Variants in PDE11A observed in about 807,000 individuals in gnomAD.
PDE11A encodes the protein dual 3',5'-cyclic-AMP and -GMP phosphodiesterase 11A.
A neutral mutation model predicts 100.5 loss-of-function variants in PDE11A; 100 were observed. The observed-to-expected ratio is 1.00, with a 90% CI of 0.85 to 1.18. PDE11A has a LOEUF of 1.18. PDE11A is among the 50% of genes most tolerant of loss of function. The pLI, the probability that PDE11A is intolerant of heterozygous loss-of-function variation, is 0.00. For missense variants in PDE11A, 1,141 were observed against 1,152.6 expected (o/e 0.99, Z 0.15); for synonymous variants, 381 against 420.8 (o/e 0.91, Z 1.16).
At chr2:177,647,245 T>C (rs1389407963) in intron 19 of PDE11A, among the ~76,000 whole-genome samples, 1 of 152,248 alleles carries the variant, frequency 6.6e-6, no homozygotes, top group Non-Finnish European at 1.5e-5. Context: ...CTTAAAACTT[T>C]TAGTTTGTTG....
intron 5 of PDE11A, among the ~76,000 whole-genome samples, chr2:177,847,010 G>A (rs1437382314): frequency 6.6e-6 from 1 of 152,090 alleles, no homozygotes; most frequent in African/African-American, 2.4e-5. Flanking sequence ...AAAATATTTA[G>A]CAATAGTTAA....
intron 2 of PDE11A, chr2:177,998,743 T>C: frequency 1.1e-6 from 1 of 875,932 alleles, no homozygotes. Context: ...ATGCCATAGT[T>C]GCCGTAAAGC....
chr2:177,895,783 G>A (rs2084603423), intron 4 of PDE11A, among the ~76,000 whole-genome samples: 1 of 152,126 alleles, frequency 6.6e-6, no homozygotes, highest in Non-Finnish European at 1.5e-5. Flanking sequence ...GTTGGTCACA[G>A]TGTACAAGTT....
rs1460532910 is a variant in PDE11A, at chr2:178,014,359, C to A, written c.1014G>T (p.Val338=). Residue 338 remains valine (V), a synonymous_variant, in exon 2 of 20, where the codon GTG becomes GTT. Coordinates refer to ENST00000286063, the MANE Select transcript of PDE11A (RefSeq NM_016953.4). The part of the protein sequence containing the change: ...IRSSDGEIIG[V]AQAINKIPEG... ...CAGGAATCTTATTTATCGCTTGGGC[C>A]ACACCAATAATCTCACCATCACTGC... The A allele has an allele frequency of 6.2e-7, 1 of 1,612,728 alleles. No homozygotes were observed. The highest frequency in any genetic ancestry group is 1.3e-5 in the African/African-American group (1 of 75,006).
At chr2:177,882,061 TAAG>T (rs962331771) in intron 4 of PDE11A, among the ~76,000 whole-genome samples, 18 of 152,188 alleles carry the variant, frequency 1.2e-4, no homozygotes, top group Admixed American at 4.6e-4. Context: ...GGGTAAGTGG[TAAG>T]AGATATACTC....
chr2:177,677,805 A>C (rs897272846), intron 16 of PDE11A: 1 of 152,208 alleles, frequency 6.6e-6, no homozygotes, highest in African/African-American at 2.4e-5. Context: ...GTAAAAGACC[A>C]GGGAGAGAGT....
chr2:177,956,158 C>T (rs2085559366), intron 2 of PDE11A, among the ~76,000 whole-genome samples: 1 of 152,088 alleles, frequency 6.6e-6, no homozygotes, highest in African/African-American at 2.4e-5. Context: ...GCAACCTACT[C>T]ATCTGACAAA....
intron 14 of PDE11A, among the ~76,000 whole-genome samples, chr2:177,700,306 T>G (rs1450632913): frequency 6.6e-6 from 1 of 151,360 alleles, no homozygotes; most frequent in East Asian, 1.9e-4. Context: ...GCTATTCTAG[T>G]GAAGCAGGGC....
chr2:177,823,859 T>C (rs2083184915), intron 6 of PDE11A, among the ~76,000 whole-genome samples: 1 of 152,178 alleles, frequency 6.6e-6, no homozygotes, highest in African/African-American at 2.4e-5. Flanking sequence ...CAGCACCAAG[T>C]AGTAAACACA....
chr2:177,897,730 G>T (rs1471065587), intron 4 of PDE11A, among the ~76,000 whole-genome samples: 4 of 152,158 alleles, frequency 2.6e-5, no homozygotes, highest in Non-Finnish European at 5.9e-5. Context: ...TAAAATGTGA[G>T]ACAGACACTT....
At chr2:178,079,212 A>G (rs1456253592) in intron 2 of PDE11A, among the ~76,000 whole-genome samples, 1 of 152,094 alleles carries the variant, frequency 6.6e-6, no homozygotes, top group Non-Finnish European at 1.5e-5. Flanking sequence ...ACCTAGGTAA[A>G]AGTGTGCTGC....
intron 15 of PDE11A, among the ~76,000 whole-genome samples, chr2:177,691,006 T>C (rs1452717242): frequency 6.6e-6 from 1 of 152,220 alleles, no homozygotes; most frequent in Non-Finnish European, 1.5e-5. Context: ...GAACTCATTA[T>C]GTCAGGCAGT....
chr2:177,633,288 T>C (rs1238606073), intron 19 of PDE11A, among the ~76,000 whole-genome samples: 1 of 152,222 alleles, frequency 6.6e-6, no homozygotes, highest in Non-Finnish European at 1.5e-5. Flanking sequence ...GAGTAGTCAA[T>C]AGTAAGTCCT....
intron 2 of PDE11A, among the ~76,000 whole-genome samples, chr2:178,006,828 G>T (rs985293274): frequency 2.1e-4 from 31 of 151,058 alleles, no homozygotes; most frequent in East Asian, 1.6e-3. Flanking sequence ...AAACAAGGGG[G>T]GGGGGGGAAG....
intron 9 of PDE11A, among the ~76,000 whole-genome samples, chr2:177,776,554 C>T (rs2082380731): frequency 6.6e-6 from 1 of 152,142 alleles, no homozygotes. Flanking sequence ...CCCACCAATT[C>T]ATTTATTGAA....
chr2:177,884,665 A>G (rs1261104743), intron 4 of PDE11A, among the ~76,000 whole-genome samples: 1 of 152,190 alleles, frequency 6.6e-6, no homozygotes, highest in Non-Finnish European at 1.5e-5. Flanking sequence ...CAAGCAATAG[A>G]CAACTACCAA....
chr2:177,730,837 T>TGTACA (rs1340198521), intron 10 of PDE11A, among the ~76,000 whole-genome samples: 1 of 152,188 alleles, frequency 6.6e-6, no homozygotes, highest in Non-Finnish European at 1.5e-5. Flanking sequence ...TACTGTACTG[T>TGTACA]GTACAGTACA....
chr2:177,815,875 CTTAG>C (rs1229675103), intron 9 of PDE11A, among the ~76,000 whole-genome samples: 2 of 152,090 alleles, frequency 1.3e-5, no homozygotes, highest in Non-Finnish European at 2.9e-5. Context: ...ATCTTGCCTA[CTTAG>C]TAAGTATTTC....
intron 5 of PDE11A, among the ~76,000 whole-genome samples, chr2:177,872,939 C>G (rs2084165057): frequency 6.6e-6 from 1 of 152,162 alleles, no homozygotes. Flanking sequence ...AATGAACATT[C>G]TACATTAATT....
Sources: gnomAD v4.1 joint callset for allele counts (sites outside exome capture counted in the v4.1 genomes callset) on GRCh38, gnomAD v4.1.1 for gene constraint, MANE v1.5 for transcripts, NCBI Gene and HGNC (gene_info 2026-07-23, HGNC 2026-07-21) for gene names.